DYNC1I2: variants seen among roughly 807,000 people sequenced by gnomAD.
DYNC1I2 encodes dynein cytoplasmic 1 intermediate chain 2.
DYNC1I2 carries 53 observed loss-of-function variants against 88.6 expected under a neutral mutation model. The ratio of observed to expected loss-of-function variants is 0.60; its 90% confidence interval spans 0.48 to 0.75. The LOEUF (loss-of-function observed/expected upper bound fraction) is 0.75. Among genes scored for constraint, DYNC1I2 ranks in the 30% least tolerant of loss-of-function variants. The pLI is 0.00. For missense variants in DYNC1I2, 458 were observed against 766.6 expected (o/e 0.60, Z 4.75); for synonymous variants, 198 against 254.6 (o/e 0.78, Z 2.12).
At chr2:171,688,880 C>T (rs1685173564) in intron 1 of DYNC1I2, among the ~76,000 whole-genome samples, 1 of 152,074 alleles carries the variant, frequency 6.6e-6, no homozygotes, top group African/African-American at 2.4e-5. Flanking sequence ...TTTTCTTGAT[C>T]TAAAGCATTT....
intron 17 of DYNC1I2, among the ~76,000 whole-genome samples, chr2:171,747,188 T>C (rs1443200247): frequency 9.4e-6 from 1 of 106,856 alleles, no homozygotes; most frequent in Non-Finnish European, 2.0e-5. Flanking sequence ...AGTGGGACTG[T>C]CTCAAAAAAA....
At chr2:171,734,955 A>C (rs1688904553) in intron 15 of DYNC1I2, among the ~76,000 whole-genome samples, 1 of 152,208 alleles carries the variant, frequency 6.6e-6, no homozygotes, top group South Asian at 2.1e-4. Flanking sequence ...TTCATTTTAA[A>C]CTTTTAAACC....
chr2:171,728,597 A>G, intron 13 of DYNC1I2, 120 bp from the exon 14 acceptor site: 2 of 1,009,360 alleles, frequency 2.0e-6, no homozygotes, highest in Non-Finnish European at 2.8e-6. Flanking sequence ...AACCTGCTTC[A>G]TTTAATTTAG....
intron 3 of DYNC1I2, among the ~76,000 whole-genome samples, chr2:171,699,591 AGTGTGTGTGTGTGTGTGTGTGTGT>A (rs3223500): frequency 5.8e-5 from 8 of 137,734 alleles, no homozygotes; most frequent in Admixed American, 3.7e-4. Flanking sequence ...CATCATTTGG[AGTGTGTGTGTGTGTGTGTGTGTGT>A]GTGTGTGTGT....
chr2:171,710,635 G>A (rs1687047380), intron 5 of DYNC1I2, among the ~76,000 whole-genome samples: 1 of 151,458 alleles, frequency 6.6e-6, no homozygotes, highest in African/African-American at 2.4e-5. Flanking sequence ...CATTACATTT[G>A]TTATCTCAAA....
intron 11 of DYNC1I2, among the ~76,000 whole-genome samples, chr2:171,727,239 G>C (rs1688314541): frequency 1.3e-5 from 2 of 152,080 alleles, no homozygotes; most frequent in African/African-American, 4.8e-5. Flanking sequence ...AGTTTCCCAG[G>C]AACTTATTTG....
rs184558873 is a variant in DYNC1I2 at position 171,725,471 on chromosome 2, G to A, written c.512-147G>A. On this transcript the variant is annotated intron_variant, in intron 7 of 17. Transcript: ENST00000397119. Reference sequence around the variant, plus strand: ...CCTATTATTTGTACTTGTTCTGTCCGGTCAGTGGTTTACTTTTGCTTATAT... The same window carrying A: ...CCTATTATTTGTACTTGTTCTGTCCAGTCAGTGGTTTACTTTTGCTTATAT... 1.3e-4 allele frequency: 74 copies of A among 550,888 alleles called. No homozygotes were observed. In the East Asian group the frequency reaches 2.3e-3, roughly 17 times the overall value. The allele number at this position is 550,888 out of a possible 1,614,324, so 34.1% of individuals were successfully genotyped here.
intron 16 of DYNC1I2, among the ~76,000 whole-genome samples, chr2:171,744,874 T>C (rs1689679655): frequency 6.6e-6 from 1 of 152,320 alleles, no homozygotes; most frequent in South Asian, 2.1e-4. Flanking sequence ...AATATTAGCA[T>C]TTCTGTCAAT....
At chr2:171,710,122 TAC>T (rs55862813) in intron 5 of DYNC1I2, among the ~76,000 whole-genome samples, 3,528 of 144,324 alleles carry the variant, frequency 0.024, 65 homozygotes, top group African/African-American at 0.048. Flanking sequence ...TATGTATATA[TAC>T]ACACACACAC....
intron 3 of DYNC1I2, among the ~76,000 whole-genome samples, chr2:171,696,206 C>T (rs1290850620): frequency 6.6e-6 from 1 of 152,022 alleles, no homozygotes; most frequent in Non-Finnish European, 1.5e-5. Context: ...ATGATCAAAT[C>T]CTTCATTTTG....
chr2:171,690,327 A>C (rs1685300508), intron 2 of DYNC1I2, 64 bp downstream of exon 2: 1 of 1,160,800 alleles, frequency 8.6e-7, no homozygotes, highest in Non-Finnish European at 1.2e-6. Context: ...TCACATATTT[A>C]TATATTTACA....
intron 4 of DYNC1I2, chr2:171,706,927 T>C (rs966938660): frequency 2.8e-5 from 12 of 422,872 alleles, no homozygotes; most frequent in Non-Finnish European, 2.9e-5. Flanking sequence ...AATCTGGTGA[T>C]ATTAAAAGTG....
intron 1 of DYNC1I2, among the ~76,000 whole-genome samples, chr2:171,689,658 A>G (rs557249182): frequency 3.9e-5 from 6 of 152,048 alleles, no homozygotes; most frequent in African/African-American, 9.6e-5. Context: ...TTTATTATAT[A>G]TATTTGTTTA....
At chr2:171,744,527 A>C (rs1689658163) in intron 16 of DYNC1I2, among the ~76,000 whole-genome samples, 1 of 152,222 alleles carries the variant, frequency 6.6e-6, no homozygotes, top group Non-Finnish European at 1.5e-5. Context: ...CTGTTGAAGT[A>C]TGTTAACCTT....
intron 14 of DYNC1I2, among the ~76,000 whole-genome samples, chr2:171,729,433 A>G (rs992147394): frequency 1.3e-5 from 2 of 152,174 alleles, no homozygotes; most frequent in African/African-American, 2.4e-5. Flanking sequence ...AATGTAGGGT[A>G]TCTTTGTTTC....
intron 3 of DYNC1I2, among the ~76,000 whole-genome samples, chr2:171,703,190 C>T (rs974840487): frequency 2.6e-5 from 4 of 152,092 alleles, no homozygotes; most frequent in African/African-American, 7.2e-5. Flanking sequence ...CTGGTAAGGG[C>T]GAATTAAAGC....
chr2:171,727,225 A>G (rs1192133278), intron 11 of DYNC1I2, among the ~76,000 whole-genome samples: 1 of 152,156 alleles, frequency 6.6e-6, no homozygotes, highest in Admixed American at 6.6e-5. Context: ...TCTTTCCTAC[A>G]GGGAGTTTCC....
chr2:171,706,409 T>C, intron 3 of DYNC1I2, 138 bp from the exon 4 acceptor site: 1 of 706,590 alleles, frequency 1.4e-6, no homozygotes, highest in Non-Finnish European at 2.5e-6. Flanking sequence ...GTTCAGCTGT[T>C]GTTATATAAT....
chr2:171,724,522 G>A (rs1297081320), intron 7 of DYNC1I2, among the ~76,000 whole-genome samples: 7 of 152,220 alleles, frequency 4.6e-5, no homozygotes, highest in African/African-American at 1.7e-4. Flanking sequence ...TTGCTGTCTA[G>A]TCAGCTGGCC....
Sources: allele counts gnomAD v4.1 joint callset (sites outside exome capture counted in the v4.1 genomes callset), GRCh38; gene constraint gnomAD v4.1.1; transcripts MANE v1.5; gene names NCBI Gene and HGNC (gene_info 2026-07-23, HGNC 2026-07-21).